The following TPX2 variants were observed in gnomAD, a reference collection of about 807,000 sequenced individuals.
The protein encoded by TPX2 is TPX2 microtubule nucleation factor.
Under a neutral mutation model 93.6 loss-of-function variants are expected in TPX2, and 21 were observed. That is an observed-to-expected ratio of 0.22 (90% confidence interval 0.16 to 0.32). TPX2 has a LOEUF of 0.32. Ranked by LOEUF, TPX2 falls within the 10% of genes least tolerant of loss-of-function variation. TPX2 has a pLI of 1.00. For synonymous variants in TPX2, 281 were observed against 298.3 expected (o/e 0.94, Z 0.60); for missense variants, 776 against 871.1 (o/e 0.89, Z 1.37).
intron 3 of TPX2, among the ~76,000 whole-genome samples, chr20:31,757,822 G>A (rs2061861113): frequency 6.6e-6 from 1 of 152,094 alleles, no homozygotes; most frequent in South Asian, 2.1e-4. Flanking sequence ...AAGCTTTAGG[G>A]ACCTATGGGA....
Position 31,794,001 on chromosome 20 carries a change from A to G in TPX2, c.1663A>G (p.Ile555Val). Residue 555 changes from isoleucine (I) to valine (V), a missense_variant, in exon 14 of 18, where the codon ATA becomes GTA. By Grantham distance (29) the Ile-to-Val change is conservative. Around this residue, in one of 3 missense-constraint regions of TPX2, gnomAD observed 461 missense variants for 551.2 expected, o/e 0.84. Coordinates refer to ENST00000300403, the MANE Select transcript of TPX2 (RefSeq NM_012112.5). ...KERQLQKEKK[I>V]KELQKGEVPK... is the part of the protein sequence containing the mutation. The stretch of plus-strand genomic sequence containing the variant: ...ACGTCAGTTACAGAAGGAGAAGAAA[A>G]TAAAAGAACTGCAGAAAGGGGAGGT... 1 of 1,612,482 alleles carries G rather than the reference A, an allele frequency of 6.2e-7. No individual in the cohort carries two copies. The highest frequency in any genetic ancestry group is 8.5e-7 in the Non-Finnish European group (1 of 1,179,500).
At chr20:31,785,467 A>T (rs1300350505) in intron 12 of TPX2, among the ~76,000 whole-genome samples, 1 of 150,202 alleles carries the variant, frequency 6.7e-6, no homozygotes. Flanking sequence ...TTTCTATAAC[A>T]CTCTTTTGGC....
intron 16 of TPX2, 129 bp downstream of exon 16, chr20:31,797,644 T>A (rs1264515282): frequency 1.2e-6 from 1 of 825,420 alleles, no homozygotes; most frequent in Non-Finnish European, 1.9e-6. Flanking sequence ...ATGGTAGCTT[T>A]TCTTCCCCTA....
In TPX2 at chr20:31,751,803, C is replaced by G. The variant is rs557723584; in HGVS notation, c.-70-5604C>G. Reference sequence around the variant, plus strand: ...TGTCACCCAGGCTGGAGTGCAATGGCGCAATCTCAGCTCACTGCAACCTTC... The same window carrying G: ...TGTCACCCAGGCTGGAGTGCAATGGGGCAATCTCAGCTCACTGCAACCTTC... On this transcript the variant is annotated intron_variant, in intron 2 of 17. Transcript: ENST00000300403. Among the ~76,000 whole-genome samples the G allele has an allele frequency of 7.4e-4, 113 of 152,282 alleles. 1 individual carries two copies. Among genetic ancestry groups the G allele is most frequent in the Middle Eastern group, 6.8e-3 (2 of 294 alleles).
intron 4 of TPX2, among the ~76,000 whole-genome samples, chr20:31,762,269 C>G (rs557055383): frequency 2.0e-5 from 3 of 152,292 alleles, no homozygotes; most frequent in Admixed American, 2.0e-4. Flanking sequence ...CTTTTGTTGC[C>G]TATACTTTTG....
At chr20:31,748,246 G>A (rs2061796263) in intron 2 of TPX2, among the ~76,000 whole-genome samples, 1 of 152,102 alleles carries the variant, frequency 6.6e-6, no homozygotes, top group Non-Finnish European at 1.5e-5. Context: ...ACTTAGGTTT[G>A]CACCCCTCGC....
intron 4 of TPX2, among the ~76,000 whole-genome samples, chr20:31,763,270 C>T (rs529883600): frequency 1.3e-5 from 2 of 152,208 alleles, no homozygotes; most frequent in Admixed American, 6.5e-5. Context: ...ACCTCCGCCC[C>T]CCGGGTTCAA....
chr20:31,768,624 A>T (rs532620075), intron 5 of TPX2, among the ~76,000 whole-genome samples: 1 of 152,318 alleles, frequency 6.6e-6, no homozygotes, highest in South Asian at 2.1e-4. Flanking sequence ...ATTCAGGCAC[A>T]TTTATCTAAT....
At chr20:31,752,365 C>G (rs2122964886) in intron 2 of TPX2, among the ~76,000 whole-genome samples, 1 of 152,310 alleles carries the variant, frequency 6.6e-6, no homozygotes, top group African/African-American at 2.4e-5. Flanking sequence ...AGAACTGTCC[C>G]ATGGCTACCC....
chr20:31,783,678 G>T (rs1335093399), intron 11 of TPX2, 27 bp from the exon 12 acceptor site: 4 of 1,571,238 alleles, frequency 2.5e-6, no homozygotes, highest in Admixed American at 2.1e-5. Flanking sequence ...AATTTTTTTT[G>T]TGGTTATTTA....
Position 31,744,095 on chromosome 20 carries a change from G to T in TPX2, c.-71+1448G>T, listed in dbSNP as rs140676256. Among the ~76,000 whole-genome samples, 419 of 151,522 alleles carry T rather than the reference G, an allele frequency of 2.8e-3. 3 individuals are homozygous for T. The highest frequency in any genetic ancestry group is 9.5e-3 in the African/African-American group (392 of 41,256). On this transcript the variant is annotated intron_variant, in intron 2 of 17. Coordinates refer to ENST00000300403, the MANE Select transcript of TPX2 (RefSeq NM_012112.5). The stretch of plus-strand genomic sequence containing the variant: ...CACAGATATGGAACTCATAGATACG[G>T]ACAGCCAACTGTATTTCATTTTTAA...
At chr20:31,784,642 G>A (rs1369479028) in intron 12 of TPX2, among the ~76,000 whole-genome samples, 1 of 152,198 alleles carries the variant, frequency 6.6e-6, no homozygotes, top group Non-Finnish European at 1.5e-5. Context: ...TGGGAAACAA[G>A]AAGCTTCTAC....
chr20:31,789,511 C>T (rs1054653262), intron 12 of TPX2, among the ~76,000 whole-genome samples: 10 of 151,964 alleles, frequency 6.6e-5, no homozygotes, highest in South Asian at 4.2e-4. Flanking sequence ...ACAGTTACTA[C>T]GGGGTCTTCT....
intron 2 of TPX2, among the ~76,000 whole-genome samples, chr20:31,755,540 G>C (rs1190710981): frequency 2.6e-5 from 4 of 151,192 alleles, no homozygotes; most frequent in Admixed American, 2.6e-4. Context: ...GAGGTGGGTG[G>C]ATCACTTGAG....
intron 2 of TPX2, among the ~76,000 whole-genome samples, chr20:31,749,817 T>TAG (rs2061807486): frequency 6.6e-6 from 1 of 152,100 alleles, no homozygotes; most frequent in African/African-American, 2.4e-5. Flanking sequence ...AAAAAGTTAA[T>TAG]AGCTGTTTTT....
intron 10 of TPX2, among the ~76,000 whole-genome samples, chr20:31,779,529 T>G (rs1248133718): frequency 6.6e-6 from 1 of 152,228 alleles, no homozygotes; most frequent in East Asian, 1.9e-4. Flanking sequence ...ATCTCTGTCA[T>G]TAGAGATACA....
At chr20:31,785,490 G>T (rs1404534177) in intron 12 of TPX2, among the ~76,000 whole-genome samples, 4 of 150,868 alleles carry the variant, frequency 2.7e-5, no homozygotes, top group South Asian at 2.1e-4. Flanking sequence ...CTTGCTTTTG[G>T]TTTTTTGTTT....
At chr20:31,769,382 G>C (rs554712398) in intron 5 of TPX2, among the ~76,000 whole-genome samples, 1 of 148,814 alleles carries the variant, frequency 6.7e-6, no homozygotes, top group East Asian at 2.0e-4. Flanking sequence ...GCAGTGGTGC[G>C]ATCTCGGTTC....
At chr20:31,795,056 C>G (rs1195841990) in intron 15 of TPX2, among the ~76,000 whole-genome samples, 1 of 152,072 alleles carries the variant, frequency 6.6e-6, no homozygotes, top group Admixed American at 6.5e-5. Flanking sequence ...TTCCTGACCT[C>G]GTGATCTGTC....
Sources: gnomAD v4.1 joint callset for allele counts (sites outside exome capture counted in the v4.1 genomes callset) on GRCh38, gnomAD v4.1.1 for gene constraint, gnomAD v4.1.1 regional missense constraint, MANE v1.5 for transcripts, NCBI Gene and HGNC (gene_info 2026-07-23, HGNC 2026-07-21) for gene names.